HYCC1: variants seen among roughly 807,000 people sequenced by gnomAD.
The protein encoded by HYCC1 is hyccin.
chr7:22,912,911 T>C, the HYCC1 span, among the ~76,000 whole-genome samples: 52 of 152,268 alleles, frequency 3.4e-4, no homozygotes, highest in Non-Finnish European at 3.8e-4. Flanking sequence ...GACGGGTGGA[T>C]CACCTGAGGT....
At chr7:22,969,064 T>C in the HYCC1 span, among the ~76,000 whole-genome samples, 1 of 152,150 alleles carries the variant, frequency 6.6e-6, no homozygotes, top group African/African-American at 2.4e-5. Flanking sequence ...GGAAGAAGCC[T>C]ATCTGCAAAA....
At chr7:22,927,218 C>T in the HYCC1 span, among the ~76,000 whole-genome samples, 3 of 151,992 alleles carry the variant, frequency 2.0e-5, no homozygotes, top group African/African-American at 7.3e-5. Flanking sequence ...TAAATGCCCA[C>T]AAGAGAAAGC....
chr7:22,934,950 G>T, the HYCC1 span: 2 of 152,170 alleles, frequency 1.3e-5, no homozygotes, highest in African/African-American at 2.4e-5. Flanking sequence ...TTTACAAAGA[G>T]TAAACCCCCT....
At chr7:22,913,796 G>C in the HYCC1 span, among the ~76,000 whole-genome samples, 2 of 152,156 alleles carry the variant, frequency 1.3e-5, no homozygotes, top group Non-Finnish European at 2.9e-5. Context: ...CACAACGCCT[G>C]TTTGCTGGTA....
At chr7:22,987,703 C>T in the HYCC1 span, among the ~76,000 whole-genome samples, 4 of 152,072 alleles carry the variant, frequency 2.6e-5, no homozygotes, top group African/African-American at 9.7e-5. Context: ...CAGTGTAGAG[C>T]TAAAAATCAT....
the HYCC1 span, among the ~76,000 whole-genome samples, chr7:23,004,824 G>C: frequency 6.6e-6 from 1 of 152,106 alleles, no homozygotes; most frequent in African/African-American, 2.4e-5. Context: ...TTTTGTTTTT[G>C]AGAGGGAGTC....
At chr7:22,976,285 A>G in the HYCC1 span, 1 of 1,612,118 alleles carries the variant, frequency 6.2e-7, no homozygotes. Flanking sequence ...ACACAACAAA[A>G]GGAATGTCAA....
the HYCC1 span, among the ~76,000 whole-genome samples, chr7:22,948,049 C>CA: frequency 1.9e-4 from 29 of 152,088 alleles, no homozygotes; most frequent in African/African-American, 6.5e-4. Context: ...AACAAAGAAA[C>CA]AAAACTCCTA....
chr7:22,945,205 T>C, the HYCC1 span: 186,787 of 270,386 alleles, frequency 0.69, 65,096 homozygotes, highest in South Asian at 0.74. Flanking sequence ...CACACAGCCA[T>C]CAAAATAGGA....
At chr7:22,993,706 ATACACACACACACG>A in the HYCC1 span, among the ~76,000 whole-genome samples, 1 of 151,986 alleles carries the variant, frequency 6.6e-6, no homozygotes, top group Non-Finnish European at 1.5e-5. Flanking sequence ...ACACACACAC[ATACACACACACACG>A]TACGCATGTG....
At chr7:22,965,424 A>T in the HYCC1 span, among the ~76,000 whole-genome samples, 2 of 151,674 alleles carry the variant, frequency 1.3e-5, no homozygotes, top group Non-Finnish European at 2.9e-5. Flanking sequence ...CTAAAGAAAG[A>T]TCAATAGATT....
chr7:22,908,740 C>T, the HYCC1 span, among the ~76,000 whole-genome samples: 2 of 152,208 alleles, frequency 1.3e-5, no homozygotes, highest in Admixed American at 6.5e-5. Context: ...AAAAGGTCAT[C>T]TGTAAGCCCT....
the HYCC1 span, among the ~76,000 whole-genome samples, chr7:22,970,322 C>A: frequency 6.6e-6 from 1 of 152,102 alleles, no homozygotes; most frequent in Non-Finnish European, 1.5e-5. Flanking sequence ...CCAATTATTT[C>A]CTTTAATCCT....
chr7:22,995,897 C>T, the HYCC1 span, among the ~76,000 whole-genome samples: 3 of 152,108 alleles, frequency 2.0e-5, no homozygotes, highest in Non-Finnish European at 4.4e-5. Flanking sequence ...ATCAACACGA[C>T]GTCATGTGAA....
the HYCC1 span, among the ~76,000 whole-genome samples, chr7:22,927,333 A>G: frequency 6.6e-6 from 1 of 152,092 alleles, no homozygotes; most frequent in Non-Finnish European, 1.5e-5. Flanking sequence ...AACTAAGATC[A>G]GAGCAGAACT....
the HYCC1 span, among the ~76,000 whole-genome samples, chr7:23,012,500 T>C: frequency 6.6e-6 from 1 of 152,136 alleles, no homozygotes; most frequent in African/African-American, 2.4e-5. Context: ...CCAGAATTTG[T>C]TTCCTAAATA....
At chr7:23,004,498 C>T in the HYCC1 span, among the ~76,000 whole-genome samples, 3 of 152,056 alleles carry the variant, frequency 2.0e-5, no homozygotes, top group Non-Finnish European at 2.9e-5. Context: ...AAGAGGCTGG[C>T]CTTTCTGAGG....
the HYCC1 span, among the ~76,000 whole-genome samples, chr7:23,000,872 A>C: frequency 6.6e-6 from 1 of 152,246 alleles, no homozygotes; most frequent in South Asian, 2.1e-4. Flanking sequence ...CAGAAAAAAA[A>C]GGCTTTCCTT....
At chr7:22,936,192 A>T in the HYCC1 span, 1 of 152,038 alleles carries the variant, frequency 6.6e-6, no homozygotes, top group Non-Finnish European at 1.5e-5. Context: ...ATCCAGAGTA[A>T]GGCTCTATTC....
Sources: allele counts gnomAD v4.1 joint callset (sites outside exome capture counted in the v4.1 genomes callset), GRCh38; gene constraint gnomAD v4.1.1; transcripts MANE v1.5; gene names NCBI Gene and HGNC (gene_info 2026-07-23, HGNC 2026-07-21).